Variants in EFHC1 observed in about 807,000 individuals in gnomAD.
The protein encoded by EFHC1 is EF-hand domain-containing protein 1.
A neutral mutation model predicts 69.9 loss-of-function variants in EFHC1; 53 were observed. That is an observed-to-expected ratio of 0.76 (90% CI 0.61 to 0.95). EFHC1 has a LOEUF of 0.95. Ranked by LOEUF, EFHC1 falls within the 40% of genes least tolerant of loss-of-function variation. The probability of loss-of-function intolerance (pLI) is 0.00; values close to 1 mark genes in which losing one functional copy is unlikely to be tolerated. For synonymous variants in EFHC1, 256 were observed against 278.4 expected (o/e 0.92, Z 0.80); for missense variants, 739 against 798.7 (o/e 0.93, Z 0.90).
chr6:52,459,480 A>C (rs769028646), intron 5 of EFHC1, among the ~76,000 whole-genome samples: 12 of 152,248 alleles, frequency 7.9e-5, no homozygotes, highest in Admixed American at 1.3e-4. Context: ...GTTACTTATT[A>C]GAGAAATGCA....
At chr6:52,467,813 A>G (rs1765343966) in intron 6 of EFHC1, among the ~76,000 whole-genome samples, 1 of 152,214 alleles carries the variant, frequency 6.6e-6, no homozygotes, top group African/African-American at 2.4e-5. Context: ...TGTCCATGAA[A>G]TTTGTTAGAG....
intron 2 of EFHC1, among the ~76,000 whole-genome samples, chr6:52,424,379 C>G (rs1357474801): frequency 6.6e-6 from 1 of 152,170 alleles, no homozygotes; most frequent in African/African-American, 2.4e-5. Context: ...AAGTAGTTCC[C>G]TGTAGACTTC....
chr6:52,478,932 G>C (rs2114023237), intron 7 of EFHC1, 105 bp from the exon 8 acceptor site: 5 of 1,080,342 alleles, frequency 4.6e-6, no homozygotes, highest in East Asian at 4.7e-5. Context: ...TAAAAACCCA[G>C]ACTGCTTCAT....
chr6:52,427,594 G>T (rs1354379129), intron 2 of EFHC1, among the ~76,000 whole-genome samples: 2 of 148,578 alleles, frequency 1.3e-5, no homozygotes, highest in Non-Finnish European at 3.0e-5. Flanking sequence ...ATTATAATTT[G>T]TGTTGCTGAT....
At chr6:52,474,038 A>T (rs1765493327) in intron 7 of EFHC1, among the ~76,000 whole-genome samples, 1 of 152,134 alleles carries the variant, frequency 6.6e-6, no homozygotes, top group South Asian at 2.1e-4. Context: ...AACATATTAG[A>T]AGGGCCAGGT....
At position 52,492,221 on chromosome 6, in the gene EFHC1, C is replaced by T. The variant is rs758525917; in HGVS notation, c.1852-49C>T. The T allele has an allele frequency of 9.4e-5, 145 of 1,549,260 alleles. 1 individual carries two copies. The highest frequency in any genetic ancestry group is 1.7e-4 in the Middle Eastern group (1 of 5,956). On this transcript the variant is annotated intron_variant, in intron 10 of 10. Coordinates refer to ENST00000371068, the MANE Select transcript of EFHC1 (RefSeq NM_018100.4). ...TAAGCGCACTCTGCAGTTGAGCTGACGGAAGCCCTGCAGATCTGTCTCACC... is the reference window on the plus strand; with the variant it reads ...TAAGCGCACTCTGCAGTTGAGCTGATGGAAGCCCTGCAGATCTGTCTCACC...
Position 52,454,094 on chromosome 6 carries a change from G to T in EFHC1, c.724-1G>T. On this transcript the variant is annotated splice_acceptor_variant, in intron 4 of 10. Coordinates refer to ENST00000371068, the MANE Select transcript of EFHC1 (RefSeq NM_018100.4). LOFTEE classifies it high-confidence loss of function. ...GAGTCACTACTTTGGATTCTTCAAA[G>T]GTCCTTCGATTCTATGCAATCTGGG... is the stretch of plus-strand genomic sequence containing the variant. 1 of 1,612,954 alleles carries T rather than the reference G, an allele frequency of 6.2e-7. No individual in the cohort carries two copies. Among genetic ancestry groups the T allele is most frequent in the Non-Finnish European group, 8.5e-7 (1 of 1,179,928 alleles).
intron 3 of EFHC1, among the ~76,000 whole-genome samples, chr6:52,449,087 A>T (rs1359056796): frequency 6.6e-6 from 1 of 152,170 alleles, no homozygotes; most frequent in East Asian, 1.9e-4. Context: ...TTCTGTAGGA[A>T]CAGTACCAGC....
chr6:52,479,966 A>G (rs934778052), intron 9 of EFHC1, 179 bp downstream of exon 9: 3 of 987,898 alleles, frequency 3.0e-6, no homozygotes, highest in African/African-American at 1.6e-5. Context: ...AACTTTTTCA[A>G]CTTCATTTGT....
intron 9 of EFHC1, among the ~76,000 whole-genome samples, chr6:52,489,842 T>TA (rs1226459896): frequency 2.6e-5 from 4 of 152,362 alleles, no homozygotes; most frequent in Non-Finnish European, 5.9e-5. Context: ...TTCTCACAGA[T>TA]ACCAAATTTG....
intron 7 of EFHC1, among the ~76,000 whole-genome samples, chr6:52,476,510 G>T (rs1765549045): frequency 6.6e-6 from 1 of 152,116 alleles, no homozygotes; most frequent in African/African-American, 2.4e-5. Flanking sequence ...AATTGCAAAG[G>T]GAAATATGGT....
At chr6:52,477,950 C>T (rs1406496757) in intron 7 of EFHC1, among the ~76,000 whole-genome samples, 1 of 152,286 alleles carries the variant, frequency 6.6e-6, no homozygotes, top group East Asian at 1.9e-4. Context: ...GACTATAAAT[C>T]ATGCTGCTAT....
At chr6:52,428,201 T>A (rs1194332494) in intron 2 of EFHC1, 1 of 152,232 alleles carries the variant, frequency 6.6e-6, no homozygotes, top group Non-Finnish European at 1.5e-5. Context: ...ATTTTTTTTA[T>A]TTCCATAGGT....
Position 52,453,779 on chromosome 6 carries a change from G to A in EFHC1, c.724-316G>A, listed in dbSNP as rs1028116445. Reference sequence around the variant, plus strand: ...TTTATTAATATATATATACCACTATGTAAAGAACTTCATTGCTCTTTTAAT... The same window carrying A: ...TTTATTAATATATATATACCACTATATAAAGAACTTCATTGCTCTTTTAAT... On this transcript the variant is annotated intron_variant, in intron 4 of 10. Coordinates refer to ENST00000371068, the MANE Select transcript of EFHC1 (RefSeq NM_018100.4). 3 of 1,272,762 alleles carry A rather than the reference G, an allele frequency of 2.4e-6. No homozygotes were observed. In the African/African-American group the frequency reaches 4.6e-5, roughly 20 times the overall value. 78.8% of individuals were successfully genotyped at this position (1,272,762 alleles called of 1,614,324 possible). A position where few individuals can be genotyped will look rare whatever the true frequency, so the allele number is the denominator to read the frequency against.
chr6:52,420,961 C>A lies in EFHC1; in HGVS notation c.63+488C>A. 2.9e-6 allele frequency: 3 copies of A among 1,030,350 alleles called. No homozygotes were observed. In the South Asian group the frequency reaches 9.1e-5, roughly 31 times the overall value. The allele number at this position is 1,030,350 out of a possible 1,614,324, so 63.8% of individuals were successfully genotyped here. ...CTCATTCCCACAGGTCCGTCATTCC[C>A]GCCCCACCTCTTCCTCTTCTGAATC... is the stretch of plus-strand genomic sequence containing the variant. On this transcript the variant is annotated intron_variant, in intron 1 of 10. Transcript: ENST00000371068.
intron 5 of EFHC1, among the ~76,000 whole-genome samples, chr6:52,455,637 G>C (rs1313384411): frequency 6.6e-6 from 1 of 151,278 alleles, no homozygotes; most frequent in African/African-American, 2.4e-5. Flanking sequence ...CTGGGTGACA[G>C]AGTGAGACTC....
At chr6:52,474,273 G>A (rs1765499469) in intron 7 of EFHC1, among the ~76,000 whole-genome samples, 1 of 152,184 alleles carries the variant, frequency 6.6e-6, no homozygotes, top group Non-Finnish European at 1.5e-5. Flanking sequence ...CTATGATCCT[G>A]CCACTGCACT....
intron 3 of EFHC1, 90 bp from the exon 4 acceptor site, chr6:52,452,598 G>C (rs1171245950): frequency 6.8e-7 from 1 of 1,475,010 alleles, no homozygotes; most frequent in African/African-American, 1.4e-5. Context: ...CACAGTGCCT[G>C]GCCCATACAC....
chr6:52,432,979 TG>T (rs1314211603), intron 2 of EFHC1, among the ~76,000 whole-genome samples: 10 of 152,046 alleles, frequency 6.6e-5, no homozygotes, highest in Non-Finnish European at 8.8e-5. Flanking sequence ...ATTCTATTGC[TG>T]AGACTTTCCA....
Sources: allele counts gnomAD v4.1 joint callset (sites outside exome capture counted in the v4.1 genomes callset), GRCh38; gene constraint gnomAD v4.1.1; transcripts MANE v1.5; gene names NCBI Gene and HGNC (gene_info 2026-07-23, HGNC 2026-07-21).